Variants in AKIRIN2 observed in about 807,000 individuals in gnomAD.
AKIRIN2 encodes the protein akirin-2.
A neutral mutation model predicts 29.3 loss-of-function variants in AKIRIN2; 6 were observed. That is an observed-to-expected ratio of 0.20 (90% CI 0.11 to 0.40). AKIRIN2 has a LOEUF of 0.40. AKIRIN2 is among the 10% of genes least tolerant of loss of function. The probability of loss-of-function intolerance (pLI) is 1.00; values close to 1 mark genes in which losing one functional copy is unlikely to be tolerated. For synonymous variants in AKIRIN2, 128 were observed against 117.5 expected, an observed-to-expected ratio of 1.09 and a Z score of -0.58; for missense variants, 210 against 276.1, an observed-to-expected ratio of 0.76 and a Z score of 1.70.
At chr6:87,691,442 A>T (rs1013045524) in intron 1 of AKIRIN2, among the ~76,000 whole-genome samples, 2,192 of 122,696 alleles carry the variant, frequency 0.018, 40 homozygotes, top group African/African-American at 0.076. Context: ...CCTCATCTTA[A>T]AAAAAAAAAA....
At chr6:87,696,304 G>A (rs1771361533) in intron 1 of AKIRIN2, among the ~76,000 whole-genome samples, 1 of 152,138 alleles carries the variant, frequency 6.6e-6, no homozygotes, top group African/African-American at 2.4e-5. Context: ...GGCAACCATA[G>A]TGAATAGTAC....
At position 87,701,863 on chromosome 6, in the gene AKIRIN2, G is replaced by A; in HGVS notation, c.-179C>T. On this transcript the variant is annotated 5_prime_UTR_variant, in exon 1 of 5. Transcript: ENST00000257787. ...GAGAGCCGCTGCCGCCGCTGCCTCC[G>A]CGGCAGGGGCAGTGGCCAGGGACGG... 1 of 455,946 alleles carries A rather than the reference G, an allele frequency of 2.2e-6. No individual in the cohort carries two copies. Among genetic ancestry groups the A allele is most frequent in the Non-Finnish European group, 3.8e-6 (1 of 263,286 alleles). The allele number at this position is 455,946 out of a possible 1,614,324, so 28.2% of individuals were successfully genotyped here.
intron 1 of AKIRIN2, among the ~76,000 whole-genome samples, chr6:87,690,835 T>A (rs1055375546): frequency 6.6e-5 from 10 of 151,788 alleles, no homozygotes; most frequent in African/African-American, 2.4e-4. Context: ...TAAACGGGCA[T>A]AATGGCGGGC....
At chr6:87,681,918 T>TA (rs1771128022) in intron 1 of AKIRIN2, among the ~76,000 whole-genome samples, 155 bp from the exon 2 acceptor site, 1 of 152,228 alleles carries the variant, frequency 6.6e-6, no homozygotes, top group Non-Finnish European at 1.5e-5. Flanking sequence ...CATTTCAGCA[T>TA]AAATGGGGAC....
intron 1 of AKIRIN2, 24 bp downstream of exon 1, chr6:87,701,426 G>A (rs1562402523): frequency 6.5e-7 from 1 of 1,530,346 alleles, no homozygotes; most frequent in Non-Finnish European, 8.8e-7. Context: ...CCACTACCCC[G>A]GCGGCCGCGG....
chr6:87,678,588 A>G (rs1366446209), intron 2 of AKIRIN2, among the ~76,000 whole-genome samples: 1 of 152,204 alleles, frequency 6.6e-6, no homozygotes, highest in Admixed American at 6.5e-5. Context: ...ATTACAAAAC[A>G]TCTTATCTCC....
Position 87,702,050 on chromosome 6 carries a change from A to G in AKIRIN2, c.-366T>C, listed in dbSNP as rs9474. On this transcript the variant is annotated 5_prime_UTR_variant, in exon 1 of 5. Coordinates refer to ENST00000257787, the MANE Select transcript of AKIRIN2 (RefSeq NM_018064.4). ...GCGCCTGAGGCGCTTCTGTGCTGAG[A>G]CTAGATCCTTTCTGAAGTCGAAAAC... 0.31 allele frequency: 124,476 copies of G among 400,880 alleles called. 19,639 individuals are homozygous for G. Among genetic ancestry groups the G allele is most frequent in the Admixed American group, 0.42 (9,458 of 22,744 alleles). The allele number at this position is 400,880 out of a possible 1,614,324, so 24.8% of individuals were successfully genotyped here. A position where few individuals can be genotyped will look rare whatever the true frequency, so the allele number is the denominator to read the frequency against.
intron 2 of AKIRIN2, among the ~76,000 whole-genome samples, chr6:87,679,912 C>A (rs1322955217): frequency 6.6e-6 from 1 of 152,204 alleles, no homozygotes; most frequent in East Asian, 1.9e-4. Context: ...CCTGGTACCA[C>A]CAATATTACT....
chr6:87,690,181 G>A (rs1447744164), intron 1 of AKIRIN2, among the ~76,000 whole-genome samples: 1 of 151,174 alleles, frequency 6.6e-6, no homozygotes, highest in East Asian at 1.9e-4. Flanking sequence ...ACTCCAGCCT[G>A]GGCAACAACA....
Position 87,681,684 on chromosome 6 carries a change from T to C in AKIRIN2, c.315A>G (p.Thr105=). Residue 105 remains threonine, a synonymous_variant, in exon 2 of 5, where the codon ACA becomes ACG. Transcript: ENST00000257787. ...GTGCATCAGAAGTACAACACGGATC[T>C]GTCTGTTGGAAACTCGTTTCTAAAT... is the stretch of plus-strand genomic sequence containing the variant. ...RRHLETSFQQ[T]DPCCTSDAQP... is the part of the protein sequence containing the mutation. 1 of 1,613,800 alleles carries C rather than the reference T, an allele frequency of 6.2e-7. No individual in the cohort carries two copies. The highest frequency in any genetic ancestry group is 8.5e-7 in the Non-Finnish European group (1 of 1,179,810).
At position 87,681,609 on chromosome 6, in the gene AKIRIN2, A is replaced by G; in HGVS notation, c.379+11T>C. The stretch of plus-strand genomic sequence containing the variant: ...ATAATAAACTTTGTAAATGACAAGA[A>G]ATGTTATTACCTGGTGAAGCTGGTC... On this transcript the variant is annotated intron_variant, in intron 2 of 4. Transcript: ENST00000257787. 1 of 1,594,378 alleles carries G rather than the reference A, an allele frequency of 6.3e-7. No homozygotes were observed. Among genetic ancestry groups the G allele is most frequent in the Non-Finnish European group, 8.5e-7 (1 of 1,174,794 alleles).
chr6:87,680,299 T>C (rs1771097260), intron 2 of AKIRIN2, among the ~76,000 whole-genome samples: 1 of 149,610 alleles, frequency 6.7e-6, no homozygotes, highest in African/African-American at 2.5e-5. Flanking sequence ...TTTTTTTTTT[T>C]TTTTTTGAGT....
intron 1 of AKIRIN2, among the ~76,000 whole-genome samples, chr6:87,700,324 T>C (rs1771439903): frequency 1.3e-5 from 2 of 150,374 alleles, no homozygotes; most frequent in South Asian, 4.2e-4. Flanking sequence ...TACAGAGGTA[T>C]ATACTTCGGT....
intron 1 of AKIRIN2, among the ~76,000 whole-genome samples, chr6:87,698,273 T>C (rs1031444801): frequency 1.2e-4 from 19 of 152,068 alleles, no homozygotes; most frequent in African/African-American, 9.7e-5. Context: ...AAGCAAACTT[T>C]TTCTGTAAAC....
At chr6:87,689,546 T>A (rs765715820) in intron 1 of AKIRIN2, among the ~76,000 whole-genome samples, 2 of 152,140 alleles carry the variant, frequency 1.3e-5, no homozygotes, top group Non-Finnish European at 2.9e-5. Flanking sequence ...CTCAGCCCCA[T>A]GGACATGATT....
intron 1 of AKIRIN2, among the ~76,000 whole-genome samples, chr6:87,694,659 T>C (rs546173052): frequency 1.3e-5 from 2 of 152,280 alleles, no homozygotes; most frequent in South Asian, 4.1e-4. Context: ...CAATAGCCAC[T>C]AGTACATCTC....
chr6:87,687,643 C>T (rs1771210080), intron 1 of AKIRIN2, among the ~76,000 whole-genome samples: 1 of 151,808 alleles, frequency 6.6e-6, no homozygotes, highest in Admixed American at 6.6e-5. Context: ...CTTTAAAATA[C>T]TATTATTTCA....
rs1489725113 is a variant in AKIRIN2, at chr6:87,681,490, T to G, written c.379+130A>C. 4.6e-6 allele frequency: 4 copies of G among 876,170 alleles called. No homozygotes were observed. The African/African-American group carries it at 7.0e-5, about 15-fold the overall frequency. 54.3% of individuals were successfully genotyped at this position (876,170 alleles called of 1,614,324 possible). On this transcript the variant is annotated intron_variant, in intron 2 of 4. Transcript: ENST00000257787. ...TACCATATTATTTTTTAAGATGTCA[T>G]GCATTACTTGTATAAATGTTTTTTT...
intron 1 of AKIRIN2, among the ~76,000 whole-genome samples, chr6:87,692,072 T>C (rs980254026): frequency 1.3e-5 from 2 of 152,230 alleles, no homozygotes; most frequent in Non-Finnish European, 2.9e-5. Context: ...TCCCTCACTA[T>C]ATACAGTGCT....
Sources: gnomAD v4.1 joint callset for allele counts (sites outside exome capture counted in the v4.1 genomes callset) on GRCh38, gnomAD v4.1.1 for gene constraint, MANE v1.5 for transcripts, NCBI Gene and HGNC (gene_info 2026-07-23, HGNC 2026-07-21) for gene names.